Variants in SYNE1 observed in about 807,000 individuals in gnomAD.
The protein encoded by SYNE1 is nesprin-1.
Under a neutral mutation model 1,111.0 loss-of-function variants are expected in SYNE1, and 616 were observed. That is an observed-to-expected ratio of 0.55 (90% CI 0.52 to 0.59). The LOEUF (loss-of-function observed/expected upper bound fraction) is 0.59. Among genes scored for constraint, SYNE1 ranks in the 20% least tolerant of loss-of-function variants. SYNE1 has a pLI of 0.00. For missense variants in SYNE1, 10,006 were observed against 10,417.0 expected (o/e 0.96, Z 1.72); for synonymous variants, 3,855 against 3,825.8 (o/e 1.01, Z -0.28).
chr6:152,404,409 C>T, intron 45 of SYNE1, 95 bp from the exon 46 acceptor site: 1 of 947,016 alleles, frequency 1.1e-6, no homozygotes. Flanking sequence ...GTCGAAATAC[C>T]CCAACTTTAA....
At chr6:152,215,104 A>G in intron 121 of SYNE1, 44 bp from the exon 122 acceptor site, 1 of 1,610,974 alleles carries the variant, frequency 6.2e-7, no homozygotes, top group South Asian at 1.1e-5. Flanking sequence ...ATGGTCAAAA[A>G]AGTCAAAACT....
At chr6:152,623,724 C>T (rs77148627) in intron 3 of SYNE1, among the ~76,000 whole-genome samples, 7,675 of 151,994 alleles carry the variant, frequency 0.05, 596 homozygotes, top group African/African-American at 0.17. Context: ...AGACACTTTG[C>T]AAAAGAAGAA....
Position 152,219,163 on chromosome 6 carries a change from G to A in SYNE1, c.21884C>T (p.Thr7295Ile). 1 of 1,613,966 alleles carries A rather than the reference G, an allele frequency of 6.2e-7. No homozygotes were observed. The highest frequency in any genetic ancestry group is 8.5e-7 in the Non-Finnish European group (1 of 1,179,936). ...DCNDLLKGLG[T>I]VKDSLFFLHE... is the part of the protein sequence containing the mutation. ...GAGAAAAAAGAGGGAATCTTTAACT[G>A]TGCCCAGTCCTTTGAGGAGGTCCTA... is the stretch of plus-strand genomic sequence containing the variant. Residue 7295 changes from threonine (T) to isoleucine (I), a missense_variant, in exon 120 of 146, where the codon ACA becomes ATA. Physicochemically the swap from Thr to Ile is moderately conservative, Grantham distance 89. This residue lies in a region of SYNE1 where 2,182 missense variants were observed against 2,287.8 expected (regional missense o/e 0.95). Transcript: ENST00000367255.
At chr6:152,194,035 T>C (rs1209177804) in intron 127 of SYNE1, among the ~76,000 whole-genome samples, 1 of 151,788 alleles carries the variant, frequency 6.6e-6, no homozygotes, top group Non-Finnish European at 1.5e-5. Flanking sequence ...AAGGTATAGC[T>C]TATACAACAC....
chr6:152,214,959 C>G lies in SYNE1; in HGVS notation c.22293G>C (p.Gln7431His). The G allele has an allele frequency of 6.2e-7, 1 of 1,614,122 alleles. No individual in the cohort carries two copies. The highest frequency in any genetic ancestry group is 8.5e-7 in the Non-Finnish European group (1 of 1,180,006). ...PLNDKEIKRM[Q>H]NLNRHWSLIS... ...TCAGAGACCAATGGCGGTTCAGATT[C>G]TGCATTCTTTTGATTTCCTTATCAT... The change falls in exon 122 of 146, where the codon CAG (glutamine) becomes CAC (histidine). Residue 7431 changes from glutamine (Q) to histidine (H), a missense_variant. Transcript: ENST00000367255.
At chr6:152,318,480 G>A (rs750961666) in intron 85 of SYNE1, 59 of 621,682 alleles carry the variant, frequency 9.5e-5, no homozygotes, top group Middle Eastern at 4.4e-4. Flanking sequence ...TGAGTGAGAA[G>A]GCTAACATTT....
rs371202449 is a variant in SYNE1 at position 152,308,608 on chromosome 6, A to G, written c.17227T>C (p.Tyr5743His). 3 of 1,608,756 alleles carry G rather than the reference A, an allele frequency of 1.9e-6. No homozygotes were observed. The highest frequency in any genetic ancestry group is 1.4e-5 in the African/African-American group (1 of 73,950). The change falls in exon 91 of 146, where the codon TAT becomes CAT. Residue 5743 changes from tyrosine (Y) to histidine (H), a missense_variant. Around this residue, in one of 7 missense-constraint regions of SYNE1, gnomAD observed 4,955 missense variants for 5,017.2 expected, o/e 0.99. Transcript: ENST00000367255. ...MQEAVVQYEQ[Y>H]EQEMKHLQQL... is the part of the protein sequence containing the mutation. ...TGGAGATGTTTCATTTCTTGCTCATATTGTTCATATTGTACCACAGCTTCC... is the reference window on the plus strand; with the variant it reads ...TGGAGATGTTTCATTTCTTGCTCATGTTGTTCATATTGTACCACAGCTTCC...
intron 119 of SYNE1, among the ~76,000 whole-genome samples, chr6:152,219,529 G>A (rs1208345903): frequency 1.3e-5 from 2 of 148,194 alleles, no homozygotes; most frequent in Non-Finnish European, 1.5e-5. Context: ...CAAGAGTAGA[G>A]CCAATAACTG....
At chr6:152,305,990 T>C (rs1249749776) in intron 91 of SYNE1, among the ~76,000 whole-genome samples, 2 of 152,180 alleles carry the variant, frequency 1.3e-5, no homozygotes, top group African/African-American at 4.8e-5. Flanking sequence ...ACTCATTTAT[T>C]TTCCTGGGAC....
At chr6:152,603,862 G>A (rs1019010378) in intron 3 of SYNE1, among the ~76,000 whole-genome samples, 1 of 122,262 alleles carries the variant, frequency 8.2e-6, no homozygotes, top group Non-Finnish European at 1.7e-5. Context: ...TGTATATATA[G>A]ATAGATATAC....
At chr6:152,595,473 C>T (rs946129546) in intron 3 of SYNE1, among the ~76,000 whole-genome samples, 1 of 152,210 alleles carries the variant, frequency 6.6e-6, no homozygotes, top group African/African-American at 2.4e-5. Context: ...TCAGATGCAA[C>T]ATCAACTCGT....
chr6:152,132,476 G>C (rs1292664046), intron 143 of SYNE1, among the ~76,000 whole-genome samples: 1 of 152,144 alleles, frequency 6.6e-6, no homozygotes, highest in African/African-American at 2.4e-5. Context: ...TTCACTTATA[G>C]CTTTATTATT....
chr6:152,370,595 G>A (rs1393242246), intron 59 of SYNE1, among the ~76,000 whole-genome samples: 1 of 152,172 alleles, frequency 6.6e-6, no homozygotes, highest in Non-Finnish European at 1.5e-5. Context: ...ATATGGTACT[G>A]TCTAACTTTA....
intron 121 of SYNE1, among the ~76,000 whole-genome samples, chr6:152,215,492 C>A (rs116695573): frequency 0.013 from 2,010 of 152,022 alleles, 47 homozygotes; most frequent in African/African-American, 0.045. Context: ...ATATTATTTA[C>A]TTGATTTATT....
Position 152,224,656 on chromosome 6 carries a change from T to C in SYNE1, c.21360A>G (p.Gln7120=). Residue 7120 remains glutamine (Q), a synonymous_variant, in exon 117 of 146, where the codon CAA becomes CAG. Coordinates refer to ENST00000367255, the MANE Select transcript of SYNE1 (RefSeq NM_182961.4). ...GCACTGATTTCAGCAGTATCTTTAATTGTCCAACCTTTTGAAAAAGACAAA... is the reference window on the plus strand; with the variant it reads ...GCACTGATTTCAGCAGTATCTTTAACTGTCCAACCTTTTGAAAAAGACAAA... ...TWANLDHMVG[Q]LKILLKSVLD... is the part of the protein sequence containing the mutation. The C allele has an allele frequency of 6.2e-7, 1 of 1,613,876 alleles. No homozygotes were observed. Among genetic ancestry groups the C allele is most frequent in the Non-Finnish European group, 8.5e-7 (1 of 1,179,936 alleles).
chr6:152,425,663 G>A (rs2098340901), intron 38 of SYNE1, 116 bp from the exon 39 acceptor site: 18 of 1,191,228 alleles, frequency 1.5e-5, no homozygotes, highest in Non-Finnish European at 1.8e-5. Context: ...CAAGTCATTC[G>A]GGACAGGCTG....
chr6:152,579,593 T>A lies in SYNE1; in HGVS notation c.68-39572A>T, dbSNP rs554011606. Among the ~76,000 whole-genome samples, 14 of 152,306 alleles carry A rather than the reference T, an allele frequency of 9.2e-5. No individual in the cohort carries two copies. The South Asian group carries it at 2.5e-3, about 27-fold the overall frequency. On this transcript the variant is annotated intron_variant, in intron 3 of 145. Transcript: ENST00000367255. ...TGGGTAAATTGCATGTGTTGGGGGT[T>A]TACTATACAGATTATTTTGTCACCC...
chr6:152,376,988 C>G lies in SYNE1; in HGVS notation c.9010-76G>C, dbSNP rs1591454058. 2.6e-6 allele frequency: 4 copies of G among 1,540,342 alleles called. No individual in the cohort carries two copies. In the East Asian group the frequency reaches 9.0e-5, roughly 35 times the overall value. ...CCATATCTTCACACTATACATGCATCAATCATATTATAAATTATTAGTGAG... is the reference window on the plus strand; with the variant it reads ...CCATATCTTCACACTATACATGCATGAATCATATTATAAATTATTAGTGAG... On this transcript the variant is annotated intron_variant, in intron 56 of 145. Coordinates refer to ENST00000367255, the MANE Select transcript of SYNE1 (RefSeq NM_182961.4).
intron 3 of SYNE1, among the ~76,000 whole-genome samples, chr6:152,550,953 G>T (rs912671686): frequency 1.3e-5 from 2 of 152,148 alleles, no homozygotes; most frequent in Admixed American, 1.3e-4. Context: ...AATCACAATA[G>T]AGAGCACAAA....
Sources: gnomAD v4.1 joint callset for allele counts (sites outside exome capture counted in the v4.1 genomes callset) on GRCh38, gnomAD v4.1.1 for gene constraint, gnomAD v4.1.1 regional missense constraint, MANE v1.5 for transcripts, NCBI Gene and HGNC (gene_info 2026-07-23, HGNC 2026-07-21) for gene names.